The following AHDC1 variants were observed in gnomAD, a reference collection of about 807,000 sequenced individuals.
The protein encoded by AHDC1 is transcription factor Gibbin.
AHDC1 carries 7 observed loss-of-function variants against 87.9 expected under a neutral mutation model. The ratio of observed to expected loss-of-function variants is 0.08; its 90% confidence interval spans 0.05 to 0.15. AHDC1 has a LOEUF of 0.15. Among genes scored for constraint, AHDC1 ranks in the 10% least tolerant of loss-of-function variants. AHDC1 has a pLI of 1.00. For synonymous variants in AHDC1, 1,051 were observed against 1,006.8 expected (o/e 1.04, Z -0.83); for missense variants, 1,841 against 2,253.2 (o/e 0.82, Z 3.70).
rs778493358 is a variant in AHDC1, at chr1:27,547,347, G to A, written c.4769C>T (p.Ala1590Val). ...GAATGTGTCCTCGGGGTGAGGTTCC[G>A]CCATGGGCCCCAGGAAGCCGCTCTT... Reference protein sequence around the residue: ...GPKSGFLGPMAEPHPEDTFTV... With the variant: ...GPKSGFLGPMVEPHPEDTFTV... Residue 1590 changes from alanine to valine, a missense_variant, in exon 8 of 9, where the codon GCG becomes GTG. Physicochemically the swap from Ala to Val is moderately conservative, Grantham distance 64 (BLOSUM62 0). Around this residue, in one of 13 missense-constraint regions of AHDC1, gnomAD observed 505 missense variants for 626.2 expected, o/e 0.81. Coordinates refer to ENST00000673934, the MANE Select transcript of AHDC1 (RefSeq NM_001371928.1). This position sits in a 1 kb window ranked among gnomAD's most constrained non-coding sequence, Gnocchi z 4.9. 1.2e-5 allele frequency: 19 copies of A among 1,554,854 alleles called. No individual in the cohort carries two copies. The highest frequency in any genetic ancestry group is 4.0e-5 in the Admixed American group (2 of 49,950).
rs942936481 is a variant in AHDC1 at position 27,598,304 on chromosome 1, GAGGGGGCTGGA to G, written c.-629+5082_-629+5092del. On this transcript the variant is annotated intron_variant, in intron 3 of 8. Coordinates refer to ENST00000673934, the MANE Select transcript of AHDC1 (RefSeq NM_001371928.1). The surrounding 1 kb of genome is among the most constrained non-coding windows in gnomAD (Gnocchi z 4.2). ...TGCAGTTGGGTTTGTGTGTGTGGTG[GAGGGGGCTGGA>G]AGGGGGCTGGAGGGAGGCAGGGCCT... is the stretch of plus-strand genomic sequence containing the variant. 4.6e-5 allele frequency among the ~76,000 whole-genome samples: 7 copies of G among 152,344 alleles called. No homozygotes were observed. The highest frequency in any genetic ancestry group is 3.9e-4 in the East Asian group (2 of 5,190).
chr1:27,576,087 A>T (rs1417082509), intron 3 of AHDC1, among the ~76,000 whole-genome samples: 1 of 151,738 alleles, frequency 6.6e-6, no homozygotes, highest in Non-Finnish European at 1.5e-5. Flanking sequence ...CGCTACCTGC[A>T]CGCCCCTCCT....
intron 5 of AHDC1, among the ~76,000 whole-genome samples, chr1:27,556,238 C>A (rs1281642741): frequency 6.7e-6 from 1 of 150,308 alleles, no homozygotes; most frequent in Non-Finnish European, 1.5e-5. Context: ...TCCCCTCCCC[C>A]ACCCACTGCC....
At chr1:27,544,050 C>A (rs1408947553) in intron 8 of AHDC1, among the ~76,000 whole-genome samples, 1 of 152,136 alleles carries the variant, frequency 6.6e-6, no homozygotes, top group African/African-American at 2.4e-5. Flanking sequence ...GCAGAGCACC[C>A]AGGCTCAGGA....
intron 3 of AHDC1, among the ~76,000 whole-genome samples, chr1:27,575,499 G>A (rs977777294): frequency 1.3e-5 from 2 of 151,956 alleles, no homozygotes; most frequent in Non-Finnish European, 2.9e-5. Flanking sequence ...GCGCCCCCTA[G>A]GGTCGGGCGC....
chr1:27,548,751 T>A lies in AHDC1; in HGVS notation c.3365A>T (p.Glu1122Val). Reference protein sequence around the residue: ...QGYGGLDWASEAFSQLYNPSF... With the variant: ...QGYGGLDWASVAFSQLYNPSF... ...GGGATTGTAGAGCTGACTAAAGGCC[T>A]CTGAGGCCCAGTCCAGGCCTCCATA... is the stretch of plus-strand genomic sequence containing the variant. The change falls in exon 8 of 9, where the codon GAG becomes GTG. Residue 1122 changes from glutamate (E) to valine (V), a missense_variant. This residue lies in a region of AHDC1 where 378 missense variants were observed against 399.0 expected (regional missense o/e 0.95). Transcript: ENST00000673934. 6.2e-7 allele frequency: 1 copy of A among 1,613,242 alleles called. No homozygotes were observed. Among genetic ancestry groups the A allele is most frequent in the Non-Finnish European group, 8.5e-7 (1 of 1,180,032 alleles).
intron 3 of AHDC1, among the ~76,000 whole-genome samples, chr1:27,588,586 C>T (rs2089129542): frequency 6.6e-6 from 1 of 152,148 alleles, no homozygotes; most frequent in South Asian, 2.1e-4. Context: ...GGCTAATCTG[C>T]AGCAGGCCAC....
At chr1:27,577,971 G>A (rs991235301) in intron 3 of AHDC1, among the ~76,000 whole-genome samples, 1 of 152,190 alleles carries the variant, frequency 6.6e-6, no homozygotes, top group Non-Finnish European at 1.5e-5. Flanking sequence ...GTTCTCCCAG[G>A]CAGTCAGACT....
In AHDC1 at chr1:27,548,316, C is replaced by T; in HGVS notation, c.3800G>A (p.Gly1267Glu). 6.2e-7 allele frequency: 1 copy of T among 1,606,760 alleles called. No homozygotes were observed. The highest frequency in any genetic ancestry group is 8.5e-7 in the Non-Finnish European group (1 of 1,175,414). ...ASGYPSKRST[G>E]PRQPRGGRGG... ...CCGTCCACCTCGCGGCTGCCGGGGC[C>T]CAGTGCTCCGTTTGGATGGGTAGCC... The change falls in exon 8 of 9, where the codon GGG becomes GAG. Residue 1267 changes from glycine to glutamate, a missense_variant. Around this residue, in one of 13 missense-constraint regions of AHDC1, gnomAD observed 505 missense variants for 626.2 expected, o/e 0.81. Coordinates refer to ENST00000673934, the MANE Select transcript of AHDC1 (RefSeq NM_001371928.1).
rs537181049 is a variant in AHDC1, at chr1:27,535,961, C to T, written c.*44-1045G>A. Among the ~76,000 whole-genome samples the T allele has an allele frequency of 2.0e-5, 3 of 152,184 alleles. No individual in the cohort carries two copies. The East Asian group carries it at 5.8e-4, about 29-fold the overall frequency. ...GAGCTCCAGTCATTATTAGCCTGGT[C>T]CTTTCAGACTTCTGTCCTCCTCTCA... On this transcript the variant is annotated intron_variant, in intron 8 of 8. Coordinates refer to ENST00000673934, the MANE Select transcript of AHDC1 (RefSeq NM_001371928.1).
At chr1:27,573,145 A>G (rs1328764327) in intron 3 of AHDC1, among the ~76,000 whole-genome samples, 2 of 151,872 alleles carry the variant, frequency 1.3e-5, no homozygotes, top group Non-Finnish European at 2.9e-5. Context: ...TGGGGTGGGG[A>G]TACCTTGACA....
In AHDC1 at chr1:27,558,496, A is replaced by T. The variant is rs1238334427; in HGVS notation, c.-416T>A. On this transcript the variant is annotated 5_prime_UTR_variant, in exon 5 of 9. Coordinates refer to ENST00000673934, the MANE Select transcript of AHDC1 (RefSeq NM_001371928.1). This position sits in a 1 kb window ranked among gnomAD's most constrained non-coding sequence, Gnocchi z 5.6. ...AAGAGTCCTCAGGCTAGGAGGTAGG[A>T]CTCACTGTATATCCATGAGCCTCAG... 2.8e-6 allele frequency: 1 copy of T among 356,492 alleles called. No individual in the cohort carries two copies. Among genetic ancestry groups the T allele is most frequent in the African/African-American group, 2.1e-5 (1 of 47,830 alleles). The allele number at this position is 356,492 out of a possible 1,614,324, so 22.1% of individuals were successfully genotyped here.
chr1:27,590,562 G>A lies in AHDC1; in HGVS notation c.-629+12835C>T, dbSNP rs754875004. Among the ~76,000 whole-genome samples, 6 of 151,940 alleles carry A rather than the reference G, an allele frequency of 3.9e-5. No individual in the cohort carries two copies. Among genetic ancestry groups the A allele is most frequent in the Non-Finnish European group, 7.4e-5 (5 of 67,988 alleles). On this transcript the variant is annotated intron_variant, in intron 3 of 8. Coordinates refer to ENST00000673934, the MANE Select transcript of AHDC1 (RefSeq NM_001371928.1). This position sits in a 1 kb window ranked among gnomAD's most constrained non-coding sequence, Gnocchi z 5.4. ...CCAAGTCCGAGGGCTCTCAAGGTGAGTGTTTTGCTTCTCTCAGACTTGGGG... is the reference window on the plus strand; with the variant it reads ...CCAAGTCCGAGGGCTCTCAAGGTGAATGTTTTGCTTCTCTCAGACTTGGGG...
At chr1:27,589,985 G>C (rs1188122175) in intron 3 of AHDC1, among the ~76,000 whole-genome samples, 2 of 152,058 alleles carry the variant, frequency 1.3e-5, no homozygotes, top group Non-Finnish European at 2.9e-5. Context: ...ACTGTGGGCT[G>C]GGCAGGGCTC....
At chr1:27,579,202 C>CT (rs2148431636) in intron 3 of AHDC1, among the ~76,000 whole-genome samples, 1 of 152,056 alleles carries the variant, frequency 6.6e-6, no homozygotes, top group South Asian at 2.1e-4. Context: ...GCCCAACTAA[C>CT]TTTTTAACGT....
chr1:27,581,486 G>A (rs2088908446), intron 3 of AHDC1, among the ~76,000 whole-genome samples: 1 of 151,540 alleles, frequency 6.6e-6, no homozygotes, highest in South Asian at 2.1e-4. Flanking sequence ...ATAGAGGTGT[G>A]TAATAAAGAA....
At chr1:27,594,039 T>C (rs2089298485) in intron 3 of AHDC1, among the ~76,000 whole-genome samples, 2 of 152,104 alleles carry the variant, frequency 1.3e-5, no homozygotes, top group Admixed American at 1.3e-4. Context: ...AGCCCCCCTA[T>C]CTCCCCAGTC....
intron 8 of AHDC1, among the ~76,000 whole-genome samples, chr1:27,538,529 T>G (rs1013267557): frequency 3.3e-5 from 5 of 151,782 alleles, no homozygotes; most frequent in South Asian, 2.1e-4. Context: ...TTTGTTTTTT[T>G]TTTGAGACAG....
At position 27,604,110 on chromosome 1, in the gene AHDC1, C is replaced by A; in HGVS notation, c.-867G>T. 6.4e-6 allele frequency: 1 copy of A among 156,620 alleles called. No individual in the cohort carries two copies. 9.7% of individuals were successfully genotyped at this position (156,620 alleles called of 1,614,324 possible). A position where few individuals can be genotyped will look rare whatever the true frequency, so the allele number is the denominator to read the frequency against. On this transcript the variant is annotated 5_prime_UTR_variant, in exon 1 of 9. In the 5' UTR this introduces an upstream ATG that the reference lacks. Coordinates refer to ENST00000673934, the MANE Select transcript of AHDC1 (RefSeq NM_001371928.1). Reference sequence around the variant, plus strand: ...TCTCGCCCTCGCCCTGCCTGCCTGCCTCTCTCCGTCTCCGCCGCCGCCGCC... The same window carrying A: ...TCTCGCCCTCGCCCTGCCTGCCTGCATCTCTCCGTCTCCGCCGCCGCCGCC...
Sources: gnomAD v4.1 joint callset for allele counts (sites outside exome capture counted in the v4.1 genomes callset) on GRCh38, gnomAD v4.1.1 for gene constraint, gnomAD v4.1.1 regional missense constraint, Gnocchi (gnomAD v3.1) non-coding constraint, MANE v1.5 for transcripts, NCBI Gene and HGNC (gene_info 2026-07-23, HGNC 2026-07-21) for gene names.